Variants in TRAK2 observed in about 807,000 individuals in gnomAD.
TRAK2 encodes trafficking kinesin-binding protein 2.
TRAK2 carries 81 observed loss-of-function variants against 104.6 expected under a neutral mutation model. The ratio of observed to expected loss-of-function variants is 0.77; its 90% CI spans 0.65 to 0.93. The LOEUF (loss-of-function observed/expected upper bound fraction) is 0.93, where lower values mean the gene tolerates loss of function less well. TRAK2 is among the 40% of genes least tolerant of loss of function. TRAK2 has a pLI of 0.00. For missense variants in TRAK2, 1,002 were observed against 1,089.0 expected, an observed-to-expected ratio of 0.92 and a Z score of 1.12; for synonymous variants, 406 against 394.4, an observed-to-expected ratio of 1.03 and a Z score of -0.35.
intron 2 of TRAK2, among the ~76,000 whole-genome samples, chr2:201,408,825 T>C (rs973159230): frequency 2.6e-5 from 4 of 152,230 alleles, no homozygotes; most frequent in Admixed American, 6.5e-5. Context: ...TGGAGGATTC[T>C]TCAAAATCTG....
intron 1 of TRAK2, among the ~76,000 whole-genome samples, chr2:201,451,073 A>G (rs1297360891): frequency 6.6e-6 from 1 of 152,236 alleles, no homozygotes; most frequent in Non-Finnish European, 1.5e-5. Flanking sequence ...GCTGTATGGC[A>G]GAGGATAAGG....
intron 1 of TRAK2, among the ~76,000 whole-genome samples, chr2:201,438,011 T>G (rs939301453): frequency 3.3e-5 from 5 of 152,226 alleles, no homozygotes; most frequent in African/African-American, 1.2e-4. Flanking sequence ...CTTTAATGTA[T>G]TTGATTAGTG....
chr2:201,417,452 A>ATT (rs1216995360), intron 2 of TRAK2, among the ~76,000 whole-genome samples: 1 of 152,118 alleles, frequency 6.6e-6, no homozygotes. Flanking sequence ...AAAATTCAAA[A>ATT]CTAAACCAAC....
chr2:201,438,488 A>G (rs867025281), intron 1 of TRAK2, among the ~76,000 whole-genome samples: 2 of 152,222 alleles, frequency 1.3e-5, no homozygotes, highest in Non-Finnish European at 2.9e-5. Flanking sequence ...TTTACAGACA[A>G]GAAAATTAAG....
intron 3 of TRAK2, among the ~76,000 whole-genome samples, chr2:201,405,850 C>T (rs545944242): frequency 2.0e-5 from 3 of 152,166 alleles, no homozygotes; most frequent in Admixed American, 1.3e-4. Context: ...AGCATAGTGG[C>T]GCCCGCCTAT....
chr2:201,420,357 A>T lies in TRAK2; in HGVS notation c.91+60T>A. On this transcript the variant is annotated intron_variant, in intron 2 of 15. Transcript: ENST00000332624. The stretch of plus-strand genomic sequence containing the variant: ...ATGATAGGTCATATATGCTGGACTG[A>T]GGCATTTGCATTTTCTCCTATAAGC... 3.6e-6 allele frequency: 5 copies of T among 1,385,746 alleles called. No individual in the cohort carries two copies. In the South Asian group the frequency reaches 5.8e-5, roughly 16 times the overall value. 85.8% of individuals were successfully genotyped at this position (1,385,746 alleles called of 1,614,324 possible).
In TRAK2 at chr2:201,384,191, G is replaced by A; in HGVS notation, c.1989C>T (p.Cys663=). 1 of 1,613,312 alleles carries A rather than the reference G, an allele frequency of 6.2e-7. No individual in the cohort carries two copies. Among genetic ancestry groups the A allele is most frequent in the South Asian group, 1.1e-5 (1 of 90,948 alleles). Residue 663 remains cysteine, a synonymous_variant, in exon 15 of 16, where the codon TGC becomes TGT. Transcript: ENST00000332624. ...VTVATANPGK[C]LSCTNSTFTF... ...TGAATGTTGAGTTTGTGCACGACAG[G>A]CACTTTCCTGGGTTGGCGGTTGCAA...
At position 201,388,008 on chromosome 2, in the gene TRAK2, G is replaced by A; in HGVS notation, c.1398-7C>T. The A allele has an allele frequency of 6.2e-7, 1 of 1,613,974 alleles. No individual in the cohort carries two copies. The highest frequency in any genetic ancestry group is 8.5e-7 in the Non-Finnish European group (1 of 1,179,970). Reference sequence around the variant, plus strand: ...GCCCATCTTCTGGGAGCTCCTATAGGAAAATCGCGTTCACTGATTAGATCT... The same window carrying A: ...GCCCATCTTCTGGGAGCTCCTATAGAAAAATCGCGTTCACTGATTAGATCT... On this transcript the variant is annotated splice_polypyrimidine_tract_variant and splice_region_variant and intron_variant, in intron 12 of 15. Transcript: ENST00000332624.
chr2:201,386,280 G>A lies in TRAK2; in HGVS notation c.1901C>T (p.Thr634Ile), dbSNP rs1260592755. Residue 634 changes from threonine (T) to isoleucine (I), a missense_variant, in exon 14 of 16, where the codon ACA (threonine) becomes ATA (isoleucine). Thr to Ile is a moderately conservative substitution (Grantham distance 89). Transcript: ENST00000332624. ...GAAGATCCCTGTTACTGGCTTGGAT[G>A]TTGAAAGTTTCTCTTCCACTTCAAG... is the stretch of plus-strand genomic sequence containing the variant. ...QPLEVEEKLS[T>I]SKPVTGIFLP... 4.3e-6 allele frequency: 7 copies of A among 1,614,132 alleles called. No individual in the cohort carries two copies. The East Asian group carries it at 1.3e-4, about 31-fold the overall frequency.
At chr2:201,417,241 C>CAAAAAAAAAA (rs61702415) in intron 2 of TRAK2, among the ~76,000 whole-genome samples, 41 of 88,402 alleles carry the variant, frequency 4.6e-4, no homozygotes, top group Middle Eastern at 6.7e-3. Flanking sequence ...GAAGACATTG[C>CAAAAAAAAAA]AAAAAAAAAA....
intron 2 of TRAK2, chr2:201,413,236 T>G: frequency 3.6e-6 from 5 of 1,393,516 alleles, no homozygotes; most frequent in Non-Finnish European, 5.1e-6. Context: ...ACAGGATTTC[T>G]CATTACAGCA....
At chr2:201,410,494 A>T (rs1951636003) in intron 2 of TRAK2, 3 of 813,420 alleles carry the variant, frequency 3.7e-6, no homozygotes, top group Non-Finnish European at 6.0e-6. Context: ...TAAAGATGTA[A>T]ATCAGCTCAC....
chr2:201,444,165 C>T (rs1192526341), intron 1 of TRAK2, among the ~76,000 whole-genome samples: 4 of 152,030 alleles, frequency 2.6e-5, no homozygotes, highest in Non-Finnish European at 5.9e-5. Flanking sequence ...CGTACCACTG[C>T]ACTCCAGCCT....
Position 201,398,281 on chromosome 2 carries a change from C to T in TRAK2, c.554G>A (p.Ser185Asn), listed in dbSNP as rs774671190. 2.5e-6 allele frequency: 4 copies of T among 1,613,594 alleles called. No individual in the cohort carries two copies. In the African/African-American group the frequency reaches 5.3e-5, roughly 22 times the overall value. The change falls in exon 6 of 16, where the codon AGT (serine) becomes AAT (asparagine). Residue 185 changes from serine to asparagine, a missense_variant. Transcript: ENST00000332624. ...TGTAGAACAGCTGGAATCAGTTTCA[C>T]TTTCTTCAGAAGCAATGGAGACGAT... ...LRIVSIASEE[S>N]ETDSSCSTPL...
intron 1 of TRAK2, among the ~76,000 whole-genome samples, chr2:201,445,183 G>A (rs947923841): frequency 6.6e-6 from 1 of 152,148 alleles, no homozygotes; most frequent in African/African-American, 2.4e-5. Context: ...GTATCTTCAA[G>A]AGGTTATGTG....
rs1353172805 is a variant in TRAK2 at position 201,420,496 on chromosome 2, G to C, written c.12C>G (p.Ser4=). The C allele has an allele frequency of 6.2e-7, 1 of 1,613,902 alleles. No homozygotes were observed. The highest frequency in any genetic ancestry group is 1.3e-5 in the African/African-American group (1 of 75,018). MSQ[S]QNAIFTSPTG... is the part of the protein sequence containing the mutation. ...TTGGTGATGTAAAAATTGCATTCTG[G>C]GATTGACTCATGCAGGATCCTTTCT... The change falls in exon 2 of 16, where the codon TCC becomes TCG. Residue 4 remains serine (S), a synonymous_variant. Coordinates refer to ENST00000332624, the MANE Select transcript of TRAK2 (RefSeq NM_015049.3).
At chr2:201,397,473 G>T in intron 7 of TRAK2, 29 bp downstream of exon 7, 1 of 1,553,014 alleles carries the variant, frequency 6.4e-7, no homozygotes, top group Non-Finnish European at 8.8e-7. Flanking sequence ...TGTCCAAAAA[G>T]GTACAAAAGA....
chr2:201,450,089 T>C (rs1952012965), intron 1 of TRAK2, among the ~76,000 whole-genome samples: 1 of 152,178 alleles, frequency 6.6e-6, no homozygotes, highest in Admixed American at 6.5e-5. Flanking sequence ...TTGCTAAATG[T>C]CTGAGACTTG....
At chr2:201,423,921 T>C (rs1294904713) in intron 1 of TRAK2, among the ~76,000 whole-genome samples, 3 of 152,236 alleles carry the variant, frequency 2.0e-5, no homozygotes, top group Non-Finnish European at 4.4e-5. Context: ...GCCAGTATAG[T>C]AATCTGTGTT....
Sources: allele counts gnomAD v4.1 joint callset (sites outside exome capture counted in the v4.1 genomes callset), GRCh38; gene constraint gnomAD v4.1.1; transcripts MANE v1.5; gene names NCBI Gene and HGNC (gene_info 2026-07-23, HGNC 2026-07-21).